Variants in XRCC6 observed in about 807,000 individuals in gnomAD.
The protein encoded by XRCC6 is DNA repair protein Ku70.
In XRCC6, 5 loss-of-function variants were observed where a neutral mutation model predicts 65.7. The observed-to-expected ratio is 0.08, with a 90% CI of 0.04 to 0.16. The LOEUF (loss-of-function observed/expected upper bound fraction) is 0.16. XRCC6 is among the 10% of genes least tolerant of loss of function. The pLI, the probability that XRCC6 is intolerant of heterozygous loss-of-function variation, is 1.00. For synonymous variants in XRCC6, 270 were observed against 270.6 expected, an observed-to-expected ratio of 1.00 and a Z score of 0.02; for missense variants, 447 against 738.1, an observed-to-expected ratio of 0.61 and a Z score of 4.57.
chr22:41,658,241 T>G lies in XRCC6; in HGVS notation c.1422-11T>G. The G allele has an allele frequency of 6.2e-7, 1 of 1,612,558 alleles. No individual in the cohort carries two copies. The highest frequency in any genetic ancestry group is 8.5e-7 in the Non-Finnish European group (1 of 1,179,668). ...TCATGTTTCAGTTGAGTTACATTAT[T>G]GTTTTAACAGAAGTGACAGCTTTGA... On this transcript the variant is annotated splice_polypyrimidine_tract_variant and intron_variant, in intron 10 of 12. Transcript: ENST00000360079.
In XRCC6 at chr22:41,636,562, A is replaced by G. The variant is rs148220268; in HGVS notation, c.381A>G (p.Gly127=). The change falls in exon 5 of 13, where the codon GGA becomes GGG. Residue 127 remains glycine, a synonymous_variant. Transcript: ENST00000360079. ...TTGACCAGTTTAAGGGGCAGCAGGG[A>G]CAAAAACGTTTCCAAGACATGATGG... The part of the protein sequence containing the change: ...LELDQFKGQQ[G]QKRFQDMMGH... 2.0e-4 allele frequency: 321 copies of G among 1,613,874 alleles called. 1 individual carries two copies. The highest frequency in any genetic ancestry group is 1.6e-4 in the Middle Eastern group (1 of 6,078).
At chr22:41,643,575 C>CT (rs2147095185) in intron 6 of XRCC6, among the ~76,000 whole-genome samples, 1 of 152,268 alleles carries the variant, frequency 6.6e-6, no homozygotes, top group South Asian at 2.1e-4. Flanking sequence ...AATCCCAGCA[C>CT]TTTGGGAGGC....
chr22:41,657,125 T>C, intron 10 of XRCC6, 93 bp downstream of exon 10: 3 of 1,417,682 alleles, frequency 2.1e-6, no homozygotes, highest in Non-Finnish European at 1.9e-6. Context: ...GGCACTACTC[T>C]TTTCAGCAAA....
intron 4 of XRCC6, 24 bp from the exon 5 acceptor site, chr22:41,636,492 A>T: frequency 6.2e-7 from 1 of 1,609,554 alleles, no homozygotes; most frequent in Non-Finnish European, 8.5e-7. Flanking sequence ...TTTTCTTTCC[A>T]TTTGACTCCC....
chr22:41,623,231 C>T (rs1484161977), intron 2 of XRCC6, among the ~76,000 whole-genome samples: 1 of 152,000 alleles, frequency 6.6e-6, no homozygotes, highest in Non-Finnish European at 1.5e-5. Context: ...CAAGTGCCGC[C>T]AACTCCCAAT....
intron 6 of XRCC6, among the ~76,000 whole-genome samples, chr22:41,638,568 A>G (rs2067836708): frequency 6.6e-6 from 1 of 152,078 alleles, no homozygotes; most frequent in African/African-American, 2.4e-5. Flanking sequence ...GGTGGATCAC[A>G]AGTTCAAGAG....
At chr22:41,661,262 T>A in intron 11 of XRCC6, 69 bp from the exon 12 acceptor site, 1 of 1,366,192 alleles carries the variant, frequency 7.3e-7, no homozygotes, top group Non-Finnish European at 1.0e-6. Context: ...TCTCAGAGAG[T>A]TCTGGAAGTG....
At chr22:41,625,046 C>T (rs138144437) in intron 2 of XRCC6, among the ~76,000 whole-genome samples, 3 of 152,186 alleles carry the variant, frequency 2.0e-5, no homozygotes, top group Non-Finnish European at 2.9e-5. Context: ...TGGCTCATGC[C>T]TGTAATCCCA....
chr22:41,630,581 A>T (rs2067730523), intron 3 of XRCC6, among the ~76,000 whole-genome samples: 1 of 148,364 alleles, frequency 6.7e-6, no homozygotes, highest in Admixed American at 6.8e-5. Context: ...ACAATAGTGG[A>T]GGGAAGGTCA....
chr22:41,663,844 C>T lies in XRCC6; in HGVS notation c.*29C>T, dbSNP rs764989290. On this transcript the variant is annotated 3_prime_UTR_variant, in exon 13 of 13. Transcript: ENST00000360079. Reference sequence around the variant, plus strand: ...GAGGCCGCGCGTCCAGCTGCCCTTCCGCAGTGTGGCCAGGCTGCCTGGCCT... The same window carrying T: ...GAGGCCGCGCGTCCAGCTGCCCTTCTGCAGTGTGGCCAGGCTGCCTGGCCT... The T allele has an allele frequency of 8.2e-5, 131 of 1,599,934 alleles. No homozygotes were observed. Among genetic ancestry groups the T allele is most frequent in the Admixed American group, 3.9e-4 (23 of 59,452 alleles).
intron 6 of XRCC6, among the ~76,000 whole-genome samples, chr22:41,645,225 C>T (rs1480196358): frequency 1.3e-5 from 2 of 151,036 alleles, no homozygotes; most frequent in African/African-American, 4.9e-5. Context: ...CACTTGAACC[C>T]GGGAGGTGGA....
chr22:41,638,313 C>T (rs970244079), intron 6 of XRCC6, among the ~76,000 whole-genome samples: 3 of 152,122 alleles, frequency 2.0e-5, no homozygotes, highest in African/African-American at 7.2e-5. Context: ...ATTGTGCAAA[C>T]ATAGAGGGTA....
intron 6 of XRCC6, among the ~76,000 whole-genome samples, chr22:41,639,440 C>T (rs1261084513): frequency 1.4e-5 from 2 of 145,316 alleles, no homozygotes; most frequent in African/African-American, 5.0e-5. Context: ...CTCCAGTGAT[C>T]GCCCCATATC....
rs1331599994 is a variant in XRCC6 at position 41,646,914 on chromosome 22, C to A, written c.792C>A (p.Asn264Lys). The change falls in exon 7 of 13, where the codon AAC (asparagine) becomes AAA (lysine). Residue 264 changes from asparagine (N) to lysine (K), a missense_variant. This residue lies in a region of XRCC6 where 14 missense variants were observed against 23.8 expected (regional missense o/e 0.59). Transcript: ENST00000360079. ...CCCTCAGGTTAAAGCTGAAGCTCAA[C>A]AAAGATATAGTGATCTCTGTGGGCA... ...RALSRLKLKL[N>K]KDIVISVGIY... is the part of the protein sequence containing the mutation. 2 of 1,608,380 alleles carry A rather than the reference C, an allele frequency of 1.2e-6. No individual in the cohort carries two copies. The highest frequency in any genetic ancestry group is 2.2e-5 in the South Asian group (2 of 90,666).
In XRCC6 at chr22:41,626,842, G is replaced by A. The variant is rs572708887; in HGVS notation, c.83-1276G>A. Among the ~76,000 whole-genome samples the A allele has an allele frequency of 2.0e-5, 3 of 151,478 alleles. No individual in the cohort carries two copies. The South Asian group carries it at 6.3e-4, about 32-fold the overall frequency. ...TTTTTAGCAGAGACAGGGTTTCACC[G>A]TATTAGCTAGGATGGTCTCGACCTC... On this transcript the variant is annotated intron_variant, in intron 2 of 12. Coordinates refer to ENST00000360079, the MANE Select transcript of XRCC6 (RefSeq NM_001469.5).
intron 6 of XRCC6, among the ~76,000 whole-genome samples, chr22:41,642,398 T>G (rs1215234811): frequency 6.6e-6 from 1 of 152,192 alleles, no homozygotes. Flanking sequence ...AGTTTCCAGA[T>G]ATTTTCTCTT....
intron 7 of XRCC6, among the ~76,000 whole-genome samples, chr22:41,649,777 C>T (rs2067976649): frequency 6.6e-6 from 1 of 151,580 alleles, no homozygotes; most frequent in Non-Finnish European, 1.5e-5. Context: ...ATGGCGTGAA[C>T]CCCGGTGGGT....
At position 41,636,245 on chromosome 22, in the gene XRCC6, A is replaced by G. The variant is rs2067808389; in HGVS notation, c.328A>G (p.Asn110Asp). 6.3e-7 allele frequency: 1 copy of G among 1,587,384 alleles called. No individual in the cohort carries two copies. The highest frequency in any genetic ancestry group is 1.4e-5 in the African/African-American group (1 of 72,956). The change falls in exon 4 of 13, where the codon AAT (asparagine) becomes GAT (aspartate). Residue 110 changes from asparagine (N) to aspartate (D), a missense_variant. By Grantham distance (23) the Asn-to-Asp change is conservative. Transcript: ENST00000360079. ...TATTTACGTCTTACAGGAGCTGGAT[A>G]ATCCAGGTCAGTAATATTTTAAGAT... Reference protein sequence around the residue: ...KNIYVLQELDNPGAKRILELD... With the variant: ...KNIYVLQELDDPGAKRILELD...
chr22:41,628,974 A>AG (rs1288281537), intron 3 of XRCC6, among the ~76,000 whole-genome samples: 1 of 150,972 alleles, frequency 6.6e-6, no homozygotes, highest in African/African-American at 2.4e-5. Flanking sequence ...TCAAAAAAAA[A>AG]AAAAAAAAAA....
Sources: gnomAD v4.1 joint callset for allele counts (sites outside exome capture counted in the v4.1 genomes callset) on GRCh38, gnomAD v4.1.1 for gene constraint, gnomAD v4.1.1 regional missense constraint, MANE v1.5 for transcripts, NCBI Gene and HGNC (gene_info 2026-07-23, HGNC 2026-07-21) for gene names.